COL4A3: variants seen among roughly 807,000 people sequenced by gnomAD.
COL4A3 encodes collagen type IV alpha 3 chain.
COL4A3 carries 135 observed loss-of-function variants against 217.4 expected under a neutral mutation model. The ratio of observed to expected loss-of-function variants is 0.62; its 90% confidence interval spans 0.54 to 0.72. COL4A3 has a LOEUF of 0.72. COL4A3 is among the 30% of genes least tolerant of loss of function. COL4A3 has a pLI of 0.00. For synonymous variants in COL4A3, 690 were observed against 736.3 expected, an observed-to-expected ratio of 0.94 and a Z score of 1.02; for missense variants, 1,868 against 2,119.9, an observed-to-expected ratio of 0.88 and a Z score of 2.33.
chr2:227,194,437 G>A (rs1340715366), intron 1 of COL4A3, among the ~76,000 whole-genome samples: 4 of 152,152 alleles, frequency 2.6e-5, no homozygotes, highest in Non-Finnish European at 5.9e-5. Context: ...AGGGAGCCAG[G>A]AAAGTAGAGG....
rs762181333 is a variant in COL4A3 at position 227,290,875 on chromosome 2, C to T, written c.3199C>T (p.Pro1067Ser). Residue 1067 changes from proline (P) to serine (S), a missense_variant, in exon 37 of 52, where the codon CCG (proline) becomes TCG (serine). Physicochemically the swap from Pro to Ser is moderately conservative, Grantham distance 74. Coordinates refer to ENST00000396578, the MANE Select transcript of COL4A3 (RefSeq NM_000091.5). ...GYSEGTRPGP[P>S]GPTGDPGLPG... ...TTCAGAAGGTACAAGGCCAGGACCA[C>T]CGGGACCAACGGTATATAGGCCACT... 5.0e-6 allele frequency: 8 copies of T among 1,612,442 alleles called. No individual in the cohort carries two copies. Among genetic ancestry groups the T allele is most frequent in the Admixed American group, 1.7e-5 (1 of 59,926 alleles).
At chr2:227,294,925 CAT>C (rs778244464) in intron 39 of COL4A3, 37 bp from the exon 40 acceptor site, 10 of 1,447,190 alleles carry the variant, frequency 6.9e-6, no homozygotes, top group Non-Finnish European at 9.6e-6. Context: ...TTTTGTATAC[CAT>C]AGTTTGGGGT....
intron 1 of COL4A3, among the ~76,000 whole-genome samples, chr2:227,197,240 G>A: frequency 6.6e-6 from 1 of 151,784 alleles, no homozygotes; most frequent in East Asian, 1.9e-4. Context: ...TTTTTGAGAT[G>A]GAGTCTCGCT....
intron 1 of COL4A3, among the ~76,000 whole-genome samples, chr2:227,189,708 A>G (rs1277919696): frequency 1.3e-5 from 2 of 152,142 alleles, no homozygotes; most frequent in African/African-American, 4.8e-5. Flanking sequence ...AGAGTAAACC[A>G]TTTTACATAT....
intron 43 of COL4A3, among the ~76,000 whole-genome samples, chr2:227,302,170 G>A (rs1001680552): frequency 3.9e-5 from 6 of 152,176 alleles, no homozygotes; most frequent in South Asian, 2.1e-4. Flanking sequence ...AGAGCACCTC[G>A]TTCCTGCTTA....
intron 21 of COL4A3, chr2:227,264,624 T>C (rs1228424891): frequency 2.0e-5 from 3 of 152,846 alleles, no homozygotes; most frequent in African/African-American, 7.2e-5. Flanking sequence ...ATAGGTACAA[T>C]AGGTCCTCAC....
At chr2:227,196,137 A>G (rs1211549334) in intron 1 of COL4A3, among the ~76,000 whole-genome samples, 2 of 151,890 alleles carry the variant, frequency 1.3e-5, no homozygotes, top group African/African-American at 4.8e-5. Flanking sequence ...GAAGGGAGAA[A>G]ATTAGTTTTT....
intron 1 of COL4A3, among the ~76,000 whole-genome samples, chr2:227,195,667 A>ATGTGTGTGTGTGTGTGTGTGTG (rs34242264): frequency 7.1e-6 from 1 of 139,892 alleles, no homozygotes; most frequent in African/African-American, 2.7e-5. Context: ...ATATATATAT[A>ATGTGTGTGTGTGTGTGTGTGTG]TGTGTGTGTG....
rs972638384 is a variant in COL4A3, at chr2:227,257,451, T to C, written c.988-152T>C. 22 of 701,696 alleles carry C rather than the reference T, an allele frequency of 3.1e-5. No individual in the cohort carries two copies. The African/African-American group carries it at 3.7e-4, about 12-fold the overall frequency. 43.5% of individuals were successfully genotyped at this position (701,696 alleles called of 1,614,324 possible). A position where few individuals can be genotyped will look rare whatever the true frequency, so the allele number is the denominator to read the frequency against. ...CCCAGATACGCGCTCTCCAGGAAAA[T>C]AATTTAAAGTCAGTGTCTCTTTAAC... On this transcript the variant is annotated intron_variant, in intron 17 of 51. Transcript: ENST00000396578.
intron 4 of COL4A3, 119 bp downstream of exon 4, chr2:227,244,483 G>C: frequency 2.1e-6 from 2 of 965,072 alleles, no homozygotes; most frequent in Non-Finnish European, 3.3e-6. Flanking sequence ...TTCAAGAACA[G>C]GTAATACTAA....
chr2:227,291,898 A>G (rs2072765974), intron 37 of COL4A3, among the ~76,000 whole-genome samples: 1 of 152,216 alleles, frequency 6.6e-6, no homozygotes, highest in Non-Finnish European at 1.5e-5. Flanking sequence ...ATCTGAGTAC[A>G]GCTCTCACAC....
At chr2:227,180,305 G>C (rs909391889) in intron 1 of COL4A3, among the ~76,000 whole-genome samples, 1 of 152,210 alleles carries the variant, frequency 6.6e-6, no homozygotes, top group African/African-American at 2.4e-5. Flanking sequence ...CATGTCCCAC[G>C]CAGGTGCCAG....
Position 227,276,495 on chromosome 2 carries a change from A to C in COL4A3, c.2020+18A>C, listed in dbSNP as rs374992426. ...TCCACCTGGTAAGTATCCTCTGCCA[A>C]ATCTGGTACATGGCATCAGACACAC... On this transcript the variant is annotated intron_variant, in intron 27 of 51. Transcript: ENST00000396578. 4.1e-4 allele frequency: 633 copies of C among 1,558,584 alleles called. No homozygotes were observed. The highest frequency in any genetic ancestry group is 2.2e-3 in the Middle Eastern group (13 of 5,972).
Position 227,245,860 on chromosome 2 carries a change from T to C in COL4A3, c.325-94T>C, listed in dbSNP as rs956996186. ...TTAACCATTTAAACAATCATTTATATTTCAAGAGCTATTTAAATCAGTGCA... is the reference window on the plus strand; with the variant it reads ...TTAACCATTTAAACAATCATTTATACTTCAAGAGCTATTTAAATCAGTGCA... On this transcript the variant is annotated intron_variant, in intron 5 of 51. Transcript: ENST00000396578. The C allele has an allele frequency of 4.4e-6, 4 of 905,932 alleles. No individual in the cohort carries two copies. In the Admixed American group the frequency reaches 5.1e-5, roughly 12 times the overall value. 56.1% of individuals were successfully genotyped at this position (905,932 alleles called of 1,614,324 possible). A position where few individuals can be genotyped will look rare whatever the true frequency, so the allele number is the denominator to read the frequency against.
chr2:227,225,323 C>T (rs1408289261), intron 1 of COL4A3, among the ~76,000 whole-genome samples: 1 of 152,206 alleles, frequency 6.6e-6, no homozygotes, highest in Non-Finnish European at 1.5e-5. Context: ...CACCTGCCAG[C>T]CTGCAGCTCG....
Position 227,310,778 on chromosome 2 carries a change from C to T in COL4A3, c.4758C>T (p.Phe1586=), listed in dbSNP as rs539022894. ...TCAGATTTTTAAAATTGTGGTAGTTCACAAGTGCAGGTTCTGAGGGCACCG... is the reference window on the plus strand; with the variant it reads ...TCAGATTTTTAAAATTGTGGTAGTTTACAAGTGCAGGTTCTGAGGGCACCG... ...SLWKGFSFIM[F]TSAGSEGTGQ... The change falls in exon 51 of 52, where the codon TTC becomes TTT. Residue 1586 remains phenylalanine (F), a splice_region_variant and synonymous_variant. Coordinates refer to ENST00000396578, the MANE Select transcript of COL4A3 (RefSeq NM_000091.5). 3 of 1,613,804 alleles carry T rather than the reference C, an allele frequency of 1.9e-6. No individual in the cohort carries two copies. The African/African-American group carries it at 4.0e-5, about 22-fold the overall frequency.
intron 17 of COL4A3, chr2:227,256,652 C>CAA: frequency 1.5e-6 from 1 of 655,662 alleles, no homozygotes; most frequent in Non-Finnish European, 2.8e-6. Flanking sequence ...AGTGCAGCTT[C>CAA]CCATGAGGAA....
intron 3 of COL4A3, among the ~76,000 whole-genome samples, chr2:227,242,329 C>T (rs2069075148): frequency 6.6e-6 from 1 of 152,116 alleles, no homozygotes; most frequent in Admixed American, 6.5e-5. Context: ...GGAGAAGGTC[C>T]AGAAGGGTCC....
At chr2:227,244,609 A>G (rs1286048888) in intron 4 of COL4A3, among the ~76,000 whole-genome samples, 1 of 152,212 alleles carries the variant, frequency 6.6e-6, no homozygotes, top group African/African-American at 2.4e-5. Flanking sequence ...GTCTGATGAG[A>G]TGATGGTATA....
Sources: gnomAD v4.1 joint callset for allele counts (sites outside exome capture counted in the v4.1 genomes callset) on GRCh38, gnomAD v4.1.1 for gene constraint, MANE v1.5 for transcripts, NCBI Gene and HGNC (gene_info 2026-07-23, HGNC 2026-07-21) for gene names.